TRMT9B: variants seen among roughly 807,000 people sequenced by gnomAD.
The protein encoded by TRMT9B is tRNA methyltransferase 9B (putative).
In TRMT9B, 16 loss-of-function variants were observed where a neutral mutation model predicts 11.5. The observed-to-expected ratio is 1.39, with a 90% CI of 0.94 to 2.11. The LOEUF is 2.11. Among genes scored for constraint, TRMT9B ranks in the 30% most tolerant of loss-of-function variants. The pLI is 0.00. For synonymous variants in TRMT9B, 274 were observed against 192.4 expected, an observed-to-expected ratio of 1.42 and a Z score of -3.51; for missense variants, 941 against 553.8, an observed-to-expected ratio of 1.70 and a Z score of -7.02.
At chr8:12,947,413 T>A (rs1879487) in intron 1 of TRMT9B, among the ~76,000 whole-genome samples, 75,034 of 152,064 alleles carry the variant, frequency 0.49, 21,065 homozygotes, top group African/African-American at 0.76. Context: ...TGGAGAAAAG[T>A]GGGTAAAAAT....
chr8:12,996,815 G>T (rs1461084566), intron 2 of TRMT9B, among the ~76,000 whole-genome samples: 2 of 152,032 alleles, frequency 1.3e-5, no homozygotes, highest in African/African-American at 4.8e-5. Context: ...TCAAGAAACA[G>T]AACATTATCA....
At position 13,021,187 on chromosome 8, in the gene TRMT9B, T is replaced by C. The variant is rs1813773006; in HGVS notation, c.508T>C (p.Ser170Pro). 1.2e-6 allele frequency: 2 copies of C among 1,613,688 alleles called. No homozygotes were observed. The highest frequency in any genetic ancestry group is 3.3e-5 in the Admixed American group (2 of 60,000). ...CAGGGCTCTGTGTTCCCAGCTCTTC[T>C]CAGAGTCCAGCCAGTCTGGGAGGAA... ...WNRALCSQLF[S>P]ESSQSGRKRQ... is the part of the protein sequence containing the mutation. Residue 170 changes from serine to proline, a missense_variant, in exon 5 of 5, where the codon TCA (serine) becomes CCA (proline). By Grantham distance (74) the Ser-to-Pro change is moderately conservative (BLOSUM62 -1). Coordinates refer to ENST00000524591, the MANE Select transcript of TRMT9B (RefSeq NM_020844.3).
At chr8:12,960,795 T>C (rs1802002884) in intron 1 of TRMT9B, among the ~76,000 whole-genome samples, 1 of 152,068 alleles carries the variant, frequency 6.6e-6, no homozygotes, top group South Asian at 2.1e-4. Flanking sequence ...GTGGTTGCCA[T>C]GGGTCGAGTG....
chr8:13,008,748 A>C (rs150439619), intron 3 of TRMT9B, among the ~76,000 whole-genome samples: 121 of 152,118 alleles, frequency 8.0e-4, no homozygotes, highest in African/African-American at 2.6e-3. Flanking sequence ...TTCTTTTTTG[A>C]GACGGAGTCT....
intron 1 of TRMT9B, chr8:12,961,706 A>AG (rs2128863077): frequency 7.1e-6 from 1 of 140,880 alleles, no homozygotes; most frequent in African/African-American, 2.9e-5. Flanking sequence ...ATCTCAAAAA[A>AG]AAAAAAAAAA....
intron 1 of TRMT9B, among the ~76,000 whole-genome samples, chr8:12,972,564 C>A (rs1453586769): frequency 6.6e-6 from 1 of 152,186 alleles, no homozygotes; most frequent in Non-Finnish European, 1.5e-5. Flanking sequence ...CCCTCTCCCA[C>A]CCTGTCCTTC....
rs756150191 is a variant in TRMT9B, at chr8:13,006,211, T to A, written c.9T>A (p.His3Gln). 1.2e-6 allele frequency: 2 copies of A among 1,613,802 alleles called. No homozygotes were observed. The highest frequency in any genetic ancestry group is 2.7e-5 in the African/African-American group (2 of 74,946). Reference sequence around the variant, plus strand: ...GTCCTGTTTTCTCCAGGATGGATCATGAAGCCGCCCAGCTGGAGAAGCAGC... The same window carrying A: ...GTCCTGTTTTCTCCAGGATGGATCAAGAAGCCGCCCAGCTGGAGAAGCAGC... MD[H>Q]EAAQLEKQHV... The change falls in exon 3 of 5, where the codon CAT becomes CAA. Residue 3 changes from histidine (H) to glutamine (Q), a missense_variant. Physicochemically the swap from His to Gln is conservative, Grantham distance 24. Coordinates refer to ENST00000524591, the MANE Select transcript of TRMT9B (RefSeq NM_020844.3).
intron 2 of TRMT9B, among the ~76,000 whole-genome samples, chr8:12,991,983 A>G (rs1807425452): frequency 6.6e-6 from 1 of 152,170 alleles, no homozygotes; most frequent in Non-Finnish European, 1.5e-5. Flanking sequence ...AAAACACAAA[A>G]TAAAACTGGA....
intron 1 of TRMT9B, among the ~76,000 whole-genome samples, chr8:12,965,810 C>G (rs1021811487): frequency 1.3e-4 from 20 of 151,988 alleles, no homozygotes; most frequent in African/African-American, 4.6e-4. Flanking sequence ...CTCAGTAGTT[C>G]AAGACCAGCC....
At chr8:12,997,525 G>A (rs919282018) in intron 2 of TRMT9B, among the ~76,000 whole-genome samples, 25 of 152,218 alleles carry the variant, frequency 1.6e-4, no homozygotes, top group East Asian at 1.9e-4. Flanking sequence ...ACAGCAACAC[G>A]AAATGGACTA....
At chr8:13,009,736 T>C (rs868604821) in intron 3 of TRMT9B, among the ~76,000 whole-genome samples, 10 of 152,200 alleles carry the variant, frequency 6.6e-5, no homozygotes, top group African/African-American at 1.9e-4. Context: ...ATATTTATTA[T>C]AGAGCTACCC....
At chr8:12,966,289 G>GC (rs1802814656) in intron 1 of TRMT9B, among the ~76,000 whole-genome samples, 1 of 152,160 alleles carries the variant, frequency 6.6e-6, no homozygotes, top group Admixed American at 6.5e-5. Flanking sequence ...CAGGGTGTGG[G>GC]CGGGGGGAAG....
chr8:12,962,765 A>T lies in TRMT9B; in HGVS notation c.-200+16799A>T, dbSNP rs780196028. 2.0e-5 allele frequency among the ~76,000 whole-genome samples: 3 copies of T among 152,198 alleles called. No individual in the cohort carries two copies. In the East Asian group the frequency reaches 5.8e-4, roughly 29 times the overall value. ...CTCGCCCTCCCAAAGTACTGAGATT[A>T]TAGGCATGAGCCACTGCGCCTGGCC... On this transcript the variant is annotated intron_variant, in intron 1 of 4. Transcript: ENST00000524591.
At chr8:12,984,012 T>G (rs1805849341) in intron 1 of TRMT9B, among the ~76,000 whole-genome samples, 1 of 152,188 alleles carries the variant, frequency 6.6e-6, no homozygotes. Flanking sequence ...AGCATATAAA[T>G]TTAGAGTCAG....
At chr8:13,017,627 T>TC (rs1391041418) in intron 4 of TRMT9B, among the ~76,000 whole-genome samples, 1 of 149,888 alleles carries the variant, frequency 6.7e-6, no homozygotes, top group African/African-American at 2.5e-5. Flanking sequence ...TTTTTTTTTT[T>TC]TTTTGAGACA....
chr8:13,004,639 C>T (rs117144179), intron 2 of TRMT9B, among the ~76,000 whole-genome samples: 4,028 of 152,034 alleles, frequency 0.026, 74 homozygotes, highest in South Asian at 0.079. Flanking sequence ...CTAAAGAGCC[C>T]TTTGGCCCTG....
At chr8:13,019,655 T>A (rs1012105123) in intron 4 of TRMT9B, among the ~76,000 whole-genome samples, 5 of 152,112 alleles carry the variant, frequency 3.3e-5, no homozygotes, top group Admixed American at 1.3e-4. Flanking sequence ...GTGGATTGAG[T>A]CTTTCTCAGT....
intron 4 of TRMT9B, among the ~76,000 whole-genome samples, chr8:13,016,477 C>A (rs938819441): frequency 1.0e-4 from 15 of 150,320 alleles, no homozygotes; most frequent in Non-Finnish European, 2.1e-4. Flanking sequence ...ATTTACTTCT[C>A]TATTTAAAGT....
chr8:12,963,772 G>C (rs888044889), intron 1 of TRMT9B, among the ~76,000 whole-genome samples: 3 of 152,160 alleles, frequency 2.0e-5, no homozygotes, highest in Non-Finnish European at 2.9e-5. Context: ...ATGTATACAA[G>C]TTTTTTAAAA....
Sources: gnomAD v4.1 joint callset for allele counts (sites outside exome capture counted in the v4.1 genomes callset) on GRCh38, gnomAD v4.1.1 for gene constraint, MANE v1.5 for transcripts, NCBI Gene and HGNC (gene_info 2026-07-23, HGNC 2026-07-21) for gene names.